Variants in ADORA1 observed in about 807,000 individuals in gnomAD.
The protein encoded by ADORA1 is adenosine receptor A1.
Under a neutral mutation model 19.9 loss-of-function variants are expected in ADORA1, and 6 were observed. The observed-to-expected ratio is 0.30, with a 90% confidence interval of 0.17 to 0.59. The LOEUF (loss-of-function observed/expected upper bound fraction) is 0.59, where lower values mean the gene tolerates loss of function less well. ADORA1 is among the 20% of genes least tolerant of loss of function. The pLI, the probability that ADORA1 is intolerant of heterozygous loss-of-function variation, is 0.87. For synonymous variants in ADORA1, 194 were observed against 188.4 expected, an observed-to-expected ratio of 1.03 and a Z score of -0.24; for missense variants, 302 against 439.2, an observed-to-expected ratio of 0.69 and a Z score of 2.79.
At chr1:203,151,776 T>TCATG (rs755566413) in intron 3 of ADORA1, among the ~76,000 whole-genome samples, 148 of 118,192 alleles carry the variant, frequency 1.3e-3, no homozygotes, top group African/African-American at 4.2e-3. Context: ...ACAGCACACT[T>TCATG]CATGCATGCA....
At chr1:203,161,402 C>T (rs1310665082) in intron 3 of ADORA1, among the ~76,000 whole-genome samples, 2 of 152,006 alleles carry the variant, frequency 1.3e-5, no homozygotes, top group Admixed American at 6.5e-5. Flanking sequence ...CACAGGTGCT[C>T]GAGACCAGCC....
chr1:203,165,719 G>A lies in ADORA1; in HGVS notation c.800G>A (p.Ser267Asn). ...TLFCPSCHKP[S>N]ILTYIAIFLT... ...TTCTGCCCGTCCTGCCACAAGCCCAGCATCCTTACCTACATTGCCATCTTC... is the reference window on the plus strand; with the variant it reads ...TTCTGCCCGTCCTGCCACAAGCCCAACATCCTTACCTACATTGCCATCTTC... Residue 267 changes from serine (S) to asparagine (N), a missense_variant, in exon 4 of 4, where the codon AGC becomes AAC. By Grantham distance (46) the Ser-to-Asn change is conservative (BLOSUM62 1). Coordinates refer to ENST00000337894, the MANE Select transcript of ADORA1 (RefSeq NM_000674.3). This position sits in a 1 kb window ranked among gnomAD's most constrained non-coding sequence, Gnocchi z 5.9. The A allele has an allele frequency of 6.2e-7, 1 of 1,612,798 alleles. No homozygotes were observed. Among genetic ancestry groups the A allele is most frequent in the Non-Finnish European group, 8.5e-7 (1 of 1,179,124 alleles).
intron 3 of ADORA1, among the ~76,000 whole-genome samples, chr1:203,137,581 C>T (rs1168793338): frequency 6.6e-6 from 1 of 152,108 alleles, no homozygotes; most frequent in Non-Finnish European, 1.5e-5. Flanking sequence ...ACGGAGGTGG[C>T]TCTAATCTGA....
chr1:203,165,766 A>G lies in ADORA1; in HGVS notation c.847A>G (p.Met283Val). The G allele has an allele frequency of 6.2e-7, 1 of 1,614,028 alleles. No individual in the cohort carries two copies. Among genetic ancestry groups the G allele is most frequent in the African/African-American group, 1.3e-5 (1 of 75,054 alleles). ...AIFLTHGNSA[M>V]NPIVYAFRIQ... ...CTTCCTCACGCACGGCAACTCGGCC[A>G]TGAACCCCATTGTCTATGCCTTCCG... The change falls in exon 4 of 4, where the codon ATG (methionine) becomes GTG (valine). Residue 283 changes from methionine (M) to valine (V), a missense_variant. By Grantham distance (21) the Met-to-Val change is conservative. Coordinates refer to ENST00000337894, the MANE Select transcript of ADORA1 (RefSeq NM_000674.3). This position sits in a 1 kb window ranked among gnomAD's most constrained non-coding sequence, Gnocchi z 5.9.
chr1:203,154,929 TCTTC>T (rs1052697457), intron 3 of ADORA1, among the ~76,000 whole-genome samples: 3 of 152,242 alleles, frequency 2.0e-5, no homozygotes, highest in Admixed American at 1.3e-4. Flanking sequence ...GCCCACCCCC[TCTTC>T]CTTCTTTTTT....
chr1:203,144,081 TACAC>T (rs10525873), intron 3 of ADORA1, among the ~76,000 whole-genome samples: 31,972 of 139,668 alleles, frequency 0.23, 4,149 homozygotes, highest in Non-Finnish European at 0.3. Flanking sequence ...GACTACCTCT[TACAC>T]ACACACACAC....
intron 3 of ADORA1, among the ~76,000 whole-genome samples, chr1:203,161,743 G>T (rs1286864266): frequency 1.3e-5 from 2 of 151,942 alleles, no homozygotes; most frequent in East Asian, 1.9e-4. Context: ...GACTAATTTT[G>T]TATTTTTTTT....
intron 3 of ADORA1, among the ~76,000 whole-genome samples, chr1:203,131,083 A>G (rs1654316220): frequency 1.3e-5 from 2 of 152,246 alleles, no homozygotes; most frequent in Admixed American, 6.5e-5. Flanking sequence ...TAATGAACTC[A>G]TATATGCGAA....
At chr1:203,130,248 G>A (rs1239412656) in intron 3 of ADORA1, among the ~76,000 whole-genome samples, 6 of 152,204 alleles carry the variant, frequency 3.9e-5, no homozygotes, top group Non-Finnish European at 7.3e-5. Context: ...TTCTCCCTTT[G>A]TGTTACATTT....
intron 3 of ADORA1, among the ~76,000 whole-genome samples, chr1:203,140,230 G>A (rs1224965013): frequency 6.6e-6 from 1 of 152,172 alleles, no homozygotes; most frequent in Non-Finnish European, 1.5e-5. Context: ...AGGGAGGCTA[G>A]TTAGGATTGG....
chr1:203,135,663 A>G (rs1032465501), intron 3 of ADORA1, among the ~76,000 whole-genome samples: 1 of 152,102 alleles, frequency 6.6e-6, no homozygotes, highest in Non-Finnish European at 1.5e-5. Flanking sequence ...GTCTCAAAAA[A>G]AAAAAAAAAA....
intron 3 of ADORA1, among the ~76,000 whole-genome samples, chr1:203,163,806 G>T (rs1655446874): frequency 6.6e-6 from 1 of 152,148 alleles, no homozygotes; most frequent in South Asian, 2.1e-4. Flanking sequence ...GGGCGAGACA[G>T]ACTTTAAGCA....
At chr1:203,164,978 C>A (rs1655490626) in intron 3 of ADORA1, 2 of 1,497,694 alleles carry the variant, frequency 1.3e-6, no homozygotes, top group Admixed American at 2.0e-5. Flanking sequence ...TGGTCATTTC[C>A]TTGAAATTCA....
chr1:203,151,607 A>G (rs1228485280), intron 3 of ADORA1, among the ~76,000 whole-genome samples: 1 of 152,200 alleles, frequency 6.6e-6, no homozygotes, highest in African/African-American at 2.4e-5. Context: ...GAGTGCCCAG[A>G]TAAGTTACTG....
Position 203,149,454 on chromosome 1 carries a change from C to T in ADORA1, c.342-15807C>T, listed in dbSNP as rs370161773. Among the ~76,000 whole-genome samples the T allele has an allele frequency of 1.4e-4, 21 of 152,270 alleles. No homozygotes were observed. The South Asian group carries it at 2.5e-3, about 18-fold the overall frequency. On this transcript the variant is annotated intron_variant, in intron 3 of 3. Coordinates refer to ENST00000337894, the MANE Select transcript of ADORA1 (RefSeq NM_000674.3). ...AGCTAACATGCTGCTCTGTTTTACC[C>T]GTGCAAATGACAGGGGCACAGACCA...
At position 203,131,441 on chromosome 1, in the gene ADORA1, C is replaced by T. The variant is rs568055782; in HGVS notation, c.341+2259C>T. On this transcript the variant is annotated intron_variant, in intron 3 of 3. Coordinates refer to ENST00000337894, the MANE Select transcript of ADORA1 (RefSeq NM_000674.3). ...AGCTCAGTGTCTGGCACATCACAGA[C>T]CCTCAGTAAACGTTGATTGAATTGG... 2.0e-5 allele frequency among the ~76,000 whole-genome samples: 3 copies of T among 152,332 alleles called. No individual in the cohort carries two copies. In the South Asian group the frequency reaches 6.2e-4, roughly 32 times the overall value.
At chr1:203,158,310 A>G (rs148566334) in intron 3 of ADORA1, among the ~76,000 whole-genome samples, 47 of 152,344 alleles carry the variant, frequency 3.1e-4, no homozygotes, top group East Asian at 1.7e-3. Flanking sequence ...CACAGACACA[A>G]TTCCACCAAG....
chr1:203,132,616 G>C (rs2102735377), intron 3 of ADORA1, among the ~76,000 whole-genome samples: 3 of 152,306 alleles, frequency 2.0e-5, no homozygotes, highest in Middle Eastern at 3.4e-3. Context: ...GCTGAGATGG[G>C]TGTATCCCTT....
At chr1:203,131,939 G>A (rs997957266) in intron 3 of ADORA1, among the ~76,000 whole-genome samples, 6 of 152,164 alleles carry the variant, frequency 3.9e-5, no homozygotes, top group African/African-American at 9.7e-5. Flanking sequence ...CGTACTGACC[G>A]AGCACTGGTG....
Sources: gnomAD v4.1 joint callset for allele counts (sites outside exome capture counted in the v4.1 genomes callset) on GRCh38, gnomAD v4.1.1 for gene constraint, Gnocchi (gnomAD v3.1) non-coding constraint, MANE v1.5 for transcripts, NCBI Gene and HGNC (gene_info 2026-07-23, HGNC 2026-07-21) for gene names.